Variants in TDRD10 observed in about 807,000 individuals in gnomAD.
TDRD10 encodes the protein tudor domain-containing protein 10.
TDRD10 carries 40 observed loss-of-function variants against 48.0 expected under a neutral mutation model. The ratio of observed to expected loss-of-function variants is 0.83; its 90% CI spans 0.65 to 1.09. The LOEUF is 1.09. TDRD10 is among the 50% of genes least tolerant of loss of function. The probability of loss-of-function intolerance (pLI) is 0.00; values close to 1 mark genes in which losing one functional copy is unlikely to be tolerated. For synonymous variants in TDRD10, 162 were observed against 170.4 expected (o/e 0.95, Z 0.38); for missense variants, 378 against 434.7 (o/e 0.87, Z 1.16).
chr1:154,508,518 G>A (rs770093235), intron 4 of TDRD10, 37 bp downstream of exon 4: 3 of 1,416,198 alleles, frequency 2.1e-6, no homozygotes, highest in Non-Finnish European at 3.0e-6. Flanking sequence ...TATCTTCCTT[G>A]GCCTTCCCAT....
At chr1:154,530,926 C>T (rs775006820) in intron 6 of TDRD10, among the ~76,000 whole-genome samples, 3 of 150,898 alleles carry the variant, frequency 2.0e-5, no homozygotes, top group Non-Finnish European at 4.4e-5. Context: ...TGCATTGGCA[C>T]GGTCTTGGCT....
intron 1 of TDRD10, among the ~76,000 whole-genome samples, chr1:154,506,405 T>C (rs1489088012): frequency 2.6e-5 from 4 of 151,026 alleles, no homozygotes; most frequent in Non-Finnish European, 4.4e-5. Context: ...AGATGTTGTC[T>C]CACTCTGTCG....
At chr1:154,540,870 C>T (rs954935859) in intron 6 of TDRD10, among the ~76,000 whole-genome samples, 2 of 152,158 alleles carry the variant, frequency 1.3e-5, no homozygotes, top group African/African-American at 4.8e-5. Context: ...GAACCAGATA[C>T]ATGTGATGCC....
rs753775699 is a variant in TDRD10 at position 154,542,738 on chromosome 1, A to G, written c.420A>G (p.Ile140Met). Residue 140 changes from isoleucine (I) to methionine (M), a missense_variant, in exon 8 of 13, where the codon ATA becomes ATG. By Grantham distance (10) the Ile-to-Met change is conservative (BLOSUM62 1). This residue lies in a region of TDRD10 where 310 missense variants were observed against 323.6 expected (regional missense o/e 0.96). Coordinates refer to ENST00000368482, the MANE Select transcript of TDRD10 (RefSeq NM_182499.4). ...GEGFGKTAAIIQLAPKAPVDL... is the reference protein window; with the variant it reads ...GEGFGKTAAIMQLAPKAPVDL... ...TAGTCTTCTGCTTTCTAGCTATTAT[A>G]CAGCTCGCTCCTAAAGCTCCTGTTG... 17 of 1,613,462 alleles carry G rather than the reference A, an allele frequency of 1.1e-5. No individual in the cohort carries two copies. Among genetic ancestry groups the G allele is most frequent in the Non-Finnish European group, 1.3e-5 (15 of 1,179,648 alleles).
intron 6 of TDRD10, 24 bp from the exon 7 acceptor site, chr1:154,542,000 G>A (rs1226364475): frequency 2.5e-6 from 4 of 1,613,394 alleles, no homozygotes; most frequent in East Asian, 2.2e-5. Flanking sequence ...ATGGCTGAGT[G>A]AGACCTTTCA....
Position 154,547,850 on chromosome 1 carries a change from C to A in TDRD10, c.*140C>A. On this transcript the variant is annotated 3_prime_UTR_variant, in exon 13 of 13. Coordinates refer to ENST00000368482, the MANE Select transcript of TDRD10 (RefSeq NM_182499.4). ...TGTGCCCAGGATTGATTCAATTTTGCTTTTACTCCCAGCTTCCCTCTCAAA... is the reference window on the plus strand; with the variant it reads ...TGTGCCCAGGATTGATTCAATTTTGATTTTACTCCCAGCTTCCCTCTCAAA... The A allele has an allele frequency of 1.0e-6, 1 of 1,001,540 alleles. No individual in the cohort carries two copies. The highest frequency in any genetic ancestry group is 1.5e-6 in the Non-Finnish European group (1 of 665,302). The allele number at this position is 1,001,540 out of a possible 1,614,324, so 62.0% of individuals were successfully genotyped here.
intron 6 of TDRD10, among the ~76,000 whole-genome samples, chr1:154,530,106 C>T (rs1298027579): frequency 6.6e-6 from 1 of 152,116 alleles, no homozygotes. Context: ...CCTCCGCCTC[C>T]CGGGTTCAAG....
At chr1:154,519,602 TA>T (rs1023056076) in intron 4 of TDRD10, among the ~76,000 whole-genome samples, 12 of 152,156 alleles carry the variant, frequency 7.9e-5, no homozygotes, top group African/African-American at 2.9e-4. Flanking sequence ...GGAACCAGCC[TA>T]GCGCAGGCAG....
intron 10 of TDRD10, 92 bp from the exon 11 acceptor site, chr1:154,544,703 T>TAC: frequency 1.3e-6 from 2 of 1,534,288 alleles, no homozygotes; most frequent in Non-Finnish European, 1.8e-6. Flanking sequence ...TCCTCCCTCC[T>TAC]ACCTCCACTT....
At chr1:154,529,868 A>G (rs1238723207) in intron 6 of TDRD10, among the ~76,000 whole-genome samples, 1 of 152,104 alleles carries the variant, frequency 6.6e-6, no homozygotes, top group Non-Finnish European at 1.5e-5. Flanking sequence ...GTAATGTCCC[A>G]AAGTTCTACC....
intron 6 of TDRD10, among the ~76,000 whole-genome samples, chr1:154,536,103 C>T (rs961623563): frequency 2.0e-5 from 3 of 152,184 alleles, no homozygotes; most frequent in African/African-American, 4.8e-5. Flanking sequence ...GCAGGCCGGG[C>T]GCAGTGGCTC....
intron 6 of TDRD10, among the ~76,000 whole-genome samples, chr1:154,538,296 C>A (rs909748743): frequency 2.0e-5 from 3 of 152,156 alleles, no homozygotes; most frequent in African/African-American, 7.2e-5. Context: ...CGCCTGTAAT[C>A]CCAGCACTTT....
chr1:154,528,265 C>T (rs1694416365), intron 6 of TDRD10, among the ~76,000 whole-genome samples: 1 of 54,758 alleles, frequency 1.8e-5, no homozygotes, highest in Admixed American at 2.8e-4. Flanking sequence ...CTCTGTTGCC[C>T]AGGCTGGGAG....
At chr1:154,506,314 A>G (rs1162633825) in intron 1 of TDRD10, among the ~76,000 whole-genome samples, 1 of 151,634 alleles carries the variant, frequency 6.6e-6, no homozygotes, top group Non-Finnish European at 1.5e-5. Flanking sequence ...TTCAAAGCTA[A>G]CAACAGTAGT....
At chr1:154,527,422 T>C (rs759000478) in intron 6 of TDRD10, among the ~76,000 whole-genome samples, 7 of 152,180 alleles carry the variant, frequency 4.6e-5, no homozygotes, top group Non-Finnish European at 7.3e-5. Flanking sequence ...ACTGGGACAA[T>C]TGCTTATTCA....
chr1:154,520,457 A>G, intron 5 of TDRD10, 83 bp downstream of exon 5: 1 of 1,106,670 alleles, frequency 9.0e-7, no homozygotes, highest in Non-Finnish European at 1.4e-6. Context: ...CATGTTGCAG[A>G]CTAGCCCAGC....
intron 3 of TDRD10, among the ~76,000 whole-genome samples, chr1:154,507,979 G>A (rs1028725554): frequency 1.3e-5 from 2 of 152,126 alleles, no homozygotes; most frequent in Non-Finnish European, 2.9e-5. Context: ...CGTGGGTCCC[G>A]AAACACTTCA....
intron 1 of TDRD10, among the ~76,000 whole-genome samples, chr1:154,506,074 T>C (rs1243078688): frequency 6.6e-6 from 1 of 152,194 alleles, no homozygotes; most frequent in Non-Finnish European, 1.5e-5. Context: ...TGTATTAGTT[T>C]TCGATTTGCT....
intron 4 of TDRD10, among the ~76,000 whole-genome samples, chr1:154,515,287 C>T (rs10908841): frequency 0.52 from 79,335 of 151,892 alleles, 23,190 homozygotes; most frequent in East Asian, 0.76. Flanking sequence ...TATGAGCCAC[C>T]GCACCCAGCC....
Sources: gnomAD v4.1 joint callset for allele counts (sites outside exome capture counted in the v4.1 genomes callset) on GRCh38, gnomAD v4.1.1 for gene constraint, gnomAD v4.1.1 regional missense constraint, MANE v1.5 for transcripts, NCBI Gene and HGNC (gene_info 2026-07-23, HGNC 2026-07-21) for gene names.